Variants in SH3GLB1 observed in about 807,000 individuals in gnomAD.
SH3GLB1 encodes the protein endophilin-B1.
SH3GLB1 carries 17 observed loss-of-function variants against 42.0 expected under a neutral mutation model. The observed-to-expected ratio is 0.40, with a 90% CI of 0.28 to 0.61. The LOEUF (loss-of-function observed/expected upper bound fraction) is 0.61, where lower values mean the gene tolerates loss of function less well. SH3GLB1 is among the 20% of genes least tolerant of loss of function. The pLI is 0.36. For synonymous variants in SH3GLB1, 132 were observed against 146.6 expected, an observed-to-expected ratio of 0.90 and a Z score of 0.72; for missense variants, 355 against 426.3, an observed-to-expected ratio of 0.83 and a Z score of 1.47.
At chr1:86,728,285 A>C in intron 5 of SH3GLB1, 1 of 459,012 alleles carries the variant, frequency 2.2e-6, no homozygotes, top group Non-Finnish European at 3.8e-6. Context: ...TTTTTAATAG[A>C]AAAAAATATT....
chr1:86,738,275 TG>T (rs1424187492), intron 7 of SH3GLB1, among the ~76,000 whole-genome samples: 1 of 152,136 alleles, frequency 6.6e-6, no homozygotes, highest in Admixed American at 6.5e-5. Flanking sequence ...TGTTTTGTTT[TG>T]TTTTTTTGAG....
intron 6 of SH3GLB1, 35 bp from the exon 7 acceptor site, chr1:86,735,044 T>A (rs759172795): frequency 2.0e-6 from 3 of 1,518,368 alleles, no homozygotes; most frequent in Non-Finnish European, 2.7e-6. Flanking sequence ...AAGTTGACTA[T>A]ACAGCTAAGA....
intron 4 of SH3GLB1, among the ~76,000 whole-genome samples, chr1:86,723,268 T>C (rs1654972805): frequency 6.6e-6 from 1 of 152,148 alleles, no homozygotes; most frequent in South Asian, 2.1e-4. Flanking sequence ...TCCTAGCACT[T>C]TGGGAGGTCA....
At chr1:86,727,986 AGACCTGGCT>A (rs1021121854) in intron 5 of SH3GLB1, among the ~76,000 whole-genome samples, 5 of 152,156 alleles carry the variant, frequency 3.3e-5, no homozygotes, top group Admixed American at 1.3e-4. Flanking sequence ...GAGTATGCCA[AGACCTGGCT>A]GAGGCTGATT....
intron 3 of SH3GLB1, among the ~76,000 whole-genome samples, chr1:86,722,165 CT>C (rs11364051): frequency 0.095 from 13,199 of 138,418 alleles, 830 homozygotes; most frequent in African/African-American, 0.18. Flanking sequence ...CTCAGCCATC[CT>C]TTTTTTTTTT....
intron 3 of SH3GLB1, 53 bp downstream of exon 3, chr1:86,719,688 T>C: frequency 6.3e-7 from 1 of 1,574,862 alleles, no homozygotes; most frequent in South Asian, 1.1e-5. Flanking sequence ...TTTAGATTTA[T>C]TAGAGATGTC....
intron 7 of SH3GLB1, among the ~76,000 whole-genome samples, chr1:86,739,513 C>G (rs77854470): frequency 6.6e-6 from 1 of 151,948 alleles, no homozygotes; most frequent in Non-Finnish European, 1.5e-5. Context: ...AAACAGTAGG[C>G]GCAAAGTAAT....
chr1:86,725,789 C>G (rs983993549), intron 5 of SH3GLB1, among the ~76,000 whole-genome samples: 3 of 152,080 alleles, frequency 2.0e-5, no homozygotes, highest in Admixed American at 6.5e-5. Context: ...CGAGACTACC[C>G]TAATACCTTG....
At chr1:86,732,167 G>A (rs1032258897) in intron 5 of SH3GLB1, among the ~76,000 whole-genome samples, 4 of 152,190 alleles carry the variant, frequency 2.6e-5, no homozygotes, top group Non-Finnish European at 5.9e-5. Context: ...GATCAAGATA[G>A]TCACAGCAAA....
intron 7 of SH3GLB1, among the ~76,000 whole-genome samples, chr1:86,738,081 G>A (rs371947240): frequency 6.6e-6 from 1 of 152,132 alleles, no homozygotes; most frequent in African/African-American, 2.4e-5. Context: ...TGGCTGCCAC[G>A]TTGAGGATAG....
Position 86,715,844 on chromosome 1 carries a change from G to C in SH3GLB1, c.193G>C (p.Val65Leu), listed in dbSNP as rs1654489840. The change falls in exon 2 of 9, where the codon GTG becomes CTG. Residue 65 changes from valine (V) to leucine (L), a missense_variant. Transcript: ENST00000370558. ...AGAAAAAATAATGAAACAAACTGAA[G>C]TGTTATTGCAGCCAAATCCAAGTAA... Reference protein sequence around the residue: ...WTEKIMKQTEVLLQPNPNARI... With the variant: ...WTEKIMKQTELLLQPNPNARI... 2 of 1,610,650 alleles carry C rather than the reference G, an allele frequency of 1.2e-6. No homozygotes were observed. The highest frequency in any genetic ancestry group is 1.7e-6 in the Non-Finnish European group (2 of 1,179,314).
intron 1 of SH3GLB1, 48 bp downstream of exon 1, chr1:86,705,019 G>T (rs780364866): frequency 7.6e-7 from 1 of 1,319,578 alleles, no homozygotes; most frequent in South Asian, 1.3e-5. Flanking sequence ...CGGGAAGGTT[G>T]AGGGAGGGGA....
At chr1:86,727,149 G>C (rs75272860) in intron 5 of SH3GLB1, among the ~76,000 whole-genome samples, 1 of 151,894 alleles carries the variant, frequency 6.6e-6, no homozygotes, top group African/African-American at 2.4e-5. Flanking sequence ...AATCTCTGCC[G>C]CCCTCAGTTC....
At chr1:86,710,248 A>G (rs987146806) in intron 1 of SH3GLB1, among the ~76,000 whole-genome samples, 2 of 151,298 alleles carry the variant, frequency 1.3e-5, no homozygotes, top group South Asian at 4.1e-4. Flanking sequence ...TTTTAAATTC[A>G]TCATATTTCT....
chr1:86,724,880 A>ATATATATATATATATATATAT (rs1284567743), intron 5 of SH3GLB1, among the ~76,000 whole-genome samples: 25 of 103,846 alleles, frequency 2.4e-4, no homozygotes, highest in African/African-American at 5.4e-4. Flanking sequence ...TCTTTAAAAA[A>ATATATATATATATATATATAT]AAAAAAAAAA....
Position 86,747,444 on chromosome 1 carries a change from TC to T in SH3GLB1, c.*4210del. ...AACTAAGAGAACATTCATTTCACCT[TC>T]AGGCCTATTCTCTGACATCACTTGA... On this transcript the variant is annotated 3_prime_UTR_variant, in exon 9 of 9. Transcript: ENST00000370558. 6.6e-6 allele frequency: 1 copy of T among 152,388 alleles called. No individual in the cohort carries two copies. Among genetic ancestry groups the T allele is most frequent in the Admixed American group, 6.5e-5 (1 of 15,306 alleles). The allele number at this position is 152,388 out of a possible 1,614,324, so 9.4% of individuals were successfully genotyped here. A position where few individuals can be genotyped will look rare whatever the true frequency, so the allele number is the denominator to read the frequency against.
At chr1:86,706,862 C>T (rs11161877) in intron 1 of SH3GLB1, among the ~76,000 whole-genome samples, 1,788 of 152,302 alleles carry the variant, frequency 0.012, 49 homozygotes, top group African/African-American at 0.041. Context: ...GCAAAGCTCT[C>T]AAAATGTGTA....
intron 5 of SH3GLB1, among the ~76,000 whole-genome samples, chr1:86,732,602 T>C (rs1655571350): frequency 2.0e-5 from 3 of 152,198 alleles, no homozygotes. Flanking sequence ...TTCCCTATCA[T>C]CTACCCTCTC....
intron 5 of SH3GLB1, among the ~76,000 whole-genome samples, chr1:86,725,682 G>A (rs1020638426): frequency 5.9e-5 from 9 of 152,122 alleles, no homozygotes; most frequent in African/African-American, 1.7e-4. Flanking sequence ...TGCTGGTACT[G>A]TCTTATAGTT....
Sources: allele counts gnomAD v4.1 joint callset (sites outside exome capture counted in the v4.1 genomes callset), GRCh38; gene constraint gnomAD v4.1.1; transcripts MANE v1.5; gene names NCBI Gene and HGNC (gene_info 2026-07-23, HGNC 2026-07-21).